Variants in GLDC observed in about 807,000 individuals in gnomAD.
GLDC encodes glycine dehydrogenase (decarboxylating), mitochondrial.
A neutral mutation model predicts 121.3 loss-of-function variants in GLDC; 104 were observed. That is an observed-to-expected ratio of 0.86 (90% CI 0.73 to 1.01). The LOEUF (loss-of-function observed/expected upper bound fraction) is 1.01, where lower values mean the gene tolerates loss of function less well. GLDC is among the 50% of genes least tolerant of loss of function. The probability of loss-of-function intolerance (pLI) is 0.00; values close to 1 mark genes in which losing one functional copy is unlikely to be tolerated. For synonymous variants in GLDC, 546 were observed against 480.6 expected, an observed-to-expected ratio of 1.14 and a Z score of -1.78; for missense variants, 1,429 against 1,306.6, an observed-to-expected ratio of 1.09 and a Z score of -1.44.
intron 3 of GLDC, among the ~76,000 whole-genome samples, chr9:6,612,299 A>G (rs1235674241): frequency 1.3e-5 from 2 of 151,808 alleles, no homozygotes; most frequent in Admixed American, 1.3e-4. Flanking sequence ...CAACACCCCA[A>G]TACAAGTCTC....
intron 16 of GLDC, 80 bp downstream of exon 16, chr9:6,565,274 G>A: frequency 1.0e-6 from 1 of 952,402 alleles, no homozygotes; most frequent in Non-Finnish European, 1.7e-6. Flanking sequence ...GGCTTGGAGG[G>A]AGTGTCCCAC....
At chr9:6,555,413 A>G (rs777381083) in intron 18 of GLDC, among the ~76,000 whole-genome samples, 21 of 152,212 alleles carry the variant, frequency 1.4e-4, no homozygotes, top group Non-Finnish European at 2.5e-4. Context: ...GAACCAATAG[A>G]CAATCTCTGG....
chr9:6,533,157 A>AG lies in GLDC; in HGVS notation c.2922dup (p.Phe975LeufsTer16). 1 of 1,613,640 alleles carries AG rather than the reference A, an allele frequency of 6.2e-7. No homozygotes were observed. Among genetic ancestry groups the AG allele is most frequent in the Non-Finnish European group, 8.5e-7 (1 of 1,179,558 alleles). On this transcript the variant is annotated frameshift_variant, in exon 25 of 25. Coordinates refer to ENST00000321612, the MANE Select transcript of GLDC (RefSeq NM_000170.3). LOFTEE classifies it high-confidence loss of function. The stretch of plus-strand genomic sequence containing the variant: ...CAGAATTTGTTCTCTGGTTTCACGA[A>AG]GGGCTGCAAAGGACAAAAGATGGAA...
At chr9:6,592,373 A>C (rs1006744360) in intron 10 of GLDC, 150 bp from the exon 11 acceptor site, 7 of 694,396 alleles carry the variant, frequency 1.0e-5, no homozygotes, top group African/African-American at 3.5e-5. Context: ...TAAGGCTTAG[A>C]GGAAGGTGGC....
chr9:6,601,575 T>C (rs1226308182), intron 8 of GLDC, among the ~76,000 whole-genome samples: 1 of 152,162 alleles, frequency 6.6e-6, no homozygotes, highest in Non-Finnish European at 1.5e-5. Context: ...GCAAATGGTG[T>C]ACATATAAAG....
intron 4 of GLDC, among the ~76,000 whole-genome samples, chr9:6,608,301 A>G (rs564922180): frequency 6.8e-6 from 1 of 148,022 alleles, no homozygotes; most frequent in Non-Finnish European, 1.5e-5. Flanking sequence ...GGGCACCTGT[A>G]GTCCCAGCTA....
chr9:6,617,748 A>G (rs1420057411), intron 3 of GLDC, among the ~76,000 whole-genome samples: 2 of 152,236 alleles, frequency 1.3e-5, no homozygotes, highest in Non-Finnish European at 2.9e-5. Flanking sequence ...TGCATCTACG[A>G]CAAAGCACAT....
At chr9:6,584,675 T>C (rs10975662) in intron 15 of GLDC, among the ~76,000 whole-genome samples, 81,250 of 152,092 alleles carry the variant, frequency 0.53, 22,211 homozygotes, top group African/African-American at 0.58. Context: ...AGGCATTTTC[T>C]CATCTGTCAC....
intron 12 of GLDC, among the ~76,000 whole-genome samples, chr9:6,588,933 G>A (rs1325900824): frequency 6.6e-6 from 1 of 152,168 alleles, no homozygotes; most frequent in East Asian, 1.9e-4. Flanking sequence ...GGAAGAAGAG[G>A]ATATAGGGCT....
At chr9:6,581,152 AGT>A (rs1344494846) in intron 15 of GLDC, among the ~76,000 whole-genome samples, 2 of 152,236 alleles carry the variant, frequency 1.3e-5, no homozygotes, top group African/African-American at 4.8e-5. Context: ...ATGAAGAACA[AGT>A]GTTGCTAACT....
In GLDC at chr9:6,532,930, G is replaced by T; in HGVS notation, c.*87C>A. 1 of 926,396 alleles carries T rather than the reference G, an allele frequency of 1.1e-6. No homozygotes were observed. The highest frequency in any genetic ancestry group is 1.8e-6 in the Non-Finnish European group (1 of 555,266). 57.4% of individuals were successfully genotyped at this position (926,396 alleles called of 1,614,324 possible). A position where few individuals can be genotyped will look rare whatever the true frequency, so the allele number is the denominator to read the frequency against. On this transcript the variant is annotated 3_prime_UTR_variant, in exon 25 of 25. Transcript: ENST00000321612. ...ACAGTATATAAAACTCCTACTTGAG[G>T]CTGGGGTGGGAGATGAAATCTTTCT...
At chr9:6,639,263 G>C (rs1007673042) in intron 2 of GLDC, 3 of 903,092 alleles carry the variant, frequency 3.3e-6, no homozygotes, top group Non-Finnish European at 5.5e-6. Context: ...AAGAAGATCC[G>C]CACATCACCC....
Position 6,556,135 on chromosome 9 carries a change from GGC to G in GLDC, c.2202+16_2202+17del. ...ATTTTCTCAGTGGGAACTAAGGGCG[GGC>G]CTCTTCAGTTCCCACCTGAGCATTC... On this transcript the variant is annotated intron_variant, in intron 18 of 24. Coordinates refer to ENST00000321612, the MANE Select transcript of GLDC (RefSeq NM_000170.3). 1 of 1,601,964 alleles carries G rather than the reference GGC, an allele frequency of 6.2e-7. No individual in the cohort carries two copies. Among genetic ancestry groups the G allele is most frequent in the Non-Finnish European group, 8.5e-7 (1 of 1,170,546 alleles).
At chr9:6,606,788 G>A in intron 4 of GLDC, 119 bp from the exon 5 acceptor site, 1 of 751,310 alleles carries the variant, frequency 1.3e-6, no homozygotes, top group Non-Finnish European at 2.4e-6. Flanking sequence ...AAAATACTGA[G>A]TAGGCCGGGT....
At position 6,610,159 on chromosome 9, in the gene GLDC, A is replaced by G. The variant is rs200476860; in HGVS notation, c.635+33T>C. The G allele has an allele frequency of 1.0e-4, 163 of 1,560,016 alleles. 1 individual carries two copies. In the African/African-American group the frequency reaches 2.0e-3, roughly 19 times the overall value. On this transcript the variant is annotated intron_variant, in intron 4 of 24. Coordinates refer to ENST00000321612, the MANE Select transcript of GLDC (RefSeq NM_000170.3). ...ACAAGGCCAGGCGAGGTGGCCCACA[A>G]CTGGAATTCCAGCACTTTGAGAGGC... is the stretch of plus-strand genomic sequence containing the variant.
In GLDC at chr9:6,589,250, G is replaced by A. The variant is rs557412758; in HGVS notation, c.1525C>T (p.Pro509Ser). ...ESMGEECRGIPGSVFKRTSPF... is the reference protein window; with the variant it reads ...ESMGEECRGISGSVFKRTSPF... Reference sequence around the variant, plus strand: ...CTGGTCCTCTTGAACACAGACCCTGGAATACCTCTGCACTCCTCTCCCATG... The same window carrying A: ...CTGGTCCTCTTGAACACAGACCCTGAAATACCTCTGCACTCCTCTCCCATG... Residue 509 changes from proline (P) to serine (S), a missense_variant, in exon 12 of 25, where the codon CCA becomes TCA. Transcript: ENST00000321612. The A allele has an allele frequency of 1.2e-5, 20 of 1,611,174 alleles. No homozygotes were observed. The highest frequency in any genetic ancestry group is 1.6e-5 in the Non-Finnish European group (19 of 1,177,416).
chr9:6,607,401 AG>A (rs1161290018), intron 4 of GLDC, among the ~76,000 whole-genome samples: 2 of 151,764 alleles, frequency 1.3e-5, no homozygotes, highest in Non-Finnish European at 2.9e-5. Flanking sequence ...TGACCAACAT[AG>A]CAAAACCCCA....
intron 2 of GLDC, among the ~76,000 whole-genome samples, chr9:6,629,958 T>TATATATATATATATATGTGTATATA: frequency 1.3e-5 from 1 of 78,680 alleles, no homozygotes; most frequent in Non-Finnish European, 2.4e-5. Context: ...TATATATATA[T>TATATATATATATATATGTGTATATA]TTTTTTTTTT....
intron 2 of GLDC, among the ~76,000 whole-genome samples, chr9:6,634,181 TG>T (rs1819451207): frequency 6.6e-6 from 1 of 151,800 alleles, no homozygotes; most frequent in African/African-American, 2.4e-5. Flanking sequence ...AAGCCAGGAT[TG>T]CACCACTGTA....
Sources: gnomAD v4.1 joint callset for allele counts (sites outside exome capture counted in the v4.1 genomes callset) on GRCh38, gnomAD v4.1.1 for gene constraint, MANE v1.5 for transcripts, NCBI Gene and HGNC (gene_info 2026-07-23, HGNC 2026-07-21) for gene names.